The following ZNF385D variants were observed in gnomAD, a reference collection of about 807,000 sequenced individuals.
ZNF385D encodes zinc finger protein 385D, also known as zinc finger protein 659.
ZNF385D carries 15 observed loss-of-function variants against 35.8 expected under a neutral mutation model. That is an observed-to-expected ratio of 0.42 (90% CI 0.28 to 0.64). ZNF385D has a LOEUF of 0.64. ZNF385D is among the 30% of genes least tolerant of loss of function. ZNF385D has a pLI of 0.23. For synonymous variants in ZNF385D, 212 were observed against 186.8 expected (o/e 1.13, Z -1.10); for missense variants, 474 against 494.6 (o/e 0.96, Z 0.39).
chr3:22,223,406 ATCTT>A (rs746185898), intron 2 of ZNF385D, among the ~76,000 whole-genome samples: 24 of 152,260 alleles, frequency 1.6e-4, no homozygotes, highest in African/African-American at 2.4e-4. Flanking sequence ...AATGAAATAA[ATCTT>A]TATTTCTGCA....
At chr3:21,938,391 A>G (rs188744863) in intron 3 of ZNF385D, among the ~76,000 whole-genome samples, 8 of 152,296 alleles carry the variant, frequency 5.3e-5, no homozygotes, top group African/African-American at 1.7e-4. Context: ...ATTGGGCTGC[A>G]AGTGCTGAGG....
At chr3:21,925,329 A>G (rs1055741184) in intron 3 of ZNF385D, among the ~76,000 whole-genome samples, 8 of 152,188 alleles carry the variant, frequency 5.3e-5, no homozygotes, top group Non-Finnish European at 8.8e-5. Flanking sequence ...ATCCACAGAC[A>G]GACCCACACA....
At chr3:21,614,948 T>C (rs2064802400) in intron 2 of ZNF385D, among the ~76,000 whole-genome samples, 1 of 152,188 alleles carries the variant, frequency 6.6e-6, no homozygotes. Flanking sequence ...GACACATGGC[T>C]GTACTCACAG....
At chr3:22,208,744 T>G (rs1697323545) in intron 2 of ZNF385D, among the ~76,000 whole-genome samples, 1 of 151,702 alleles carries the variant, frequency 6.6e-6, no homozygotes, top group African/African-American at 2.4e-5. Flanking sequence ...AAATAATTAT[T>G]CAGTATGCAC....
chr3:22,255,325 CCTTT>C (rs1700261663), intron 2 of ZNF385D, among the ~76,000 whole-genome samples: 1 of 151,366 alleles, frequency 6.6e-6, no homozygotes, highest in Admixed American at 6.6e-5. Context: ...TTTTTTCCTC[CCTTT>C]ATTTAATGTG....
At chr3:21,700,887 T>C (rs2067657435) in intron 1 of ZNF385D, among the ~76,000 whole-genome samples, 1 of 152,216 alleles carries the variant, frequency 6.6e-6, no homozygotes, top group Non-Finnish European at 1.5e-5. Flanking sequence ...GAAAATGATT[T>C]CATTCAGATA....
chr3:21,860,516 T>C (rs1696990085), intron 3 of ZNF385D, among the ~76,000 whole-genome samples: 1 of 152,136 alleles, frequency 6.6e-6, no homozygotes, highest in Admixed American at 6.6e-5. Flanking sequence ...ATCAGTGAGA[T>C]AAGTACAGAT....
intron 1 of ZNF385D, among the ~76,000 whole-genome samples, chr3:21,689,859 A>G (rs1022513030): frequency 6.8e-6 from 1 of 146,314 alleles, no homozygotes; most frequent in African/African-American, 2.6e-5. Flanking sequence ...TAAATTGAGA[A>G]CGTCTTCCAA....
At chr3:21,716,782 G>A (rs2068336060) in intron 1 of ZNF385D, among the ~76,000 whole-genome samples, 1 of 151,974 alleles carries the variant, frequency 6.6e-6, no homozygotes, top group Admixed American at 6.6e-5. Context: ...AATTTTTGTT[G>A]TTGTTGTTTT....
At chr3:22,275,138 A>G (rs570527555) in intron 2 of ZNF385D, among the ~76,000 whole-genome samples, 2 of 152,272 alleles carry the variant, frequency 1.3e-5, no homozygotes, top group East Asian at 1.9e-4. Flanking sequence ...TATGTTAGGA[A>G]GAGCCTACTT....
chr3:22,240,763 C>A (rs1699451159), intron 2 of ZNF385D, among the ~76,000 whole-genome samples: 1 of 150,976 alleles, frequency 6.6e-6, no homozygotes, highest in South Asian at 2.2e-4. Flanking sequence ...TTGTATATGT[C>A]TCCAGACTAT....
chr3:22,204,646 A>C (rs929578692), intron 2 of ZNF385D, among the ~76,000 whole-genome samples: 2 of 152,074 alleles, frequency 1.3e-5, no homozygotes, highest in East Asian at 3.9e-4. Flanking sequence ...ATTCTACCAG[A>C]TATATTTAAC....
At chr3:21,466,602 A>G (rs948580328) in intron 4 of ZNF385D, among the ~76,000 whole-genome samples, 1 of 152,172 alleles carries the variant, frequency 6.6e-6, no homozygotes, top group Non-Finnish European at 1.5e-5. Context: ...TACTGGTTGC[A>G]TTCCTCACTA....
chr3:22,247,984 G>A (rs1699876439), intron 2 of ZNF385D, among the ~76,000 whole-genome samples: 1 of 151,994 alleles, frequency 6.6e-6, no homozygotes, highest in Non-Finnish European at 1.5e-5. Flanking sequence ...ATTTTGCTGT[G>A]AACTTTATAT....
chr3:22,359,149 G>C (rs1338000301), intron 2 of ZNF385D, among the ~76,000 whole-genome samples: 1 of 150,742 alleles, frequency 6.6e-6, no homozygotes, highest in Non-Finnish European at 1.5e-5. Flanking sequence ...TTAATTACTG[G>C]GAACAAAATG....
chr3:21,419,157 C>A lies in ZNF385D; in HGVS notation c.*2057G>T, dbSNP rs1428926945. The A allele has an allele frequency of 1.3e-5, 2 of 153,594 alleles. No individual in the cohort carries two copies. The highest frequency in any genetic ancestry group is 1.5e-5 in the Non-Finnish European group (1 of 68,560). 9.5% of individuals were successfully genotyped at this position (153,594 alleles called of 1,614,324 possible). ...TTTCTTCCTTCCTTCCTTTTCTTCC[C>A]TTCCCCATCTCCTTTCCTTCCTTCC... On this transcript the variant is annotated 3_prime_UTR_variant, in exon 8 of 8. Coordinates refer to ENST00000281523, the MANE Select transcript of ZNF385D (RefSeq NM_024697.3).
chr3:21,783,818 ATTAT>A (rs902424375), intron 3 of ZNF385D, among the ~76,000 whole-genome samples: 1 of 152,190 alleles, frequency 6.6e-6, no homozygotes, highest in Non-Finnish European at 1.5e-5. Flanking sequence ...ATGTGGGGAC[ATTAT>A]TTGAAAAAGG....
intron 2 of ZNF385D, among the ~76,000 whole-genome samples, chr3:22,362,361 A>T (rs1696451457): frequency 6.6e-6 from 1 of 152,076 alleles, no homozygotes; most frequent in African/African-American, 2.4e-5. Flanking sequence ...AAATTATGCC[A>T]CTAATAAAAA....
chr3:22,016,835 C>A (rs1426398464), intron 3 of ZNF385D, among the ~76,000 whole-genome samples: 8 of 152,012 alleles, frequency 5.3e-5, no homozygotes, highest in Non-Finnish European at 1.0e-4. Flanking sequence ...AGCTCCTAGC[C>A]TGCCTCTATA....
Sources: gnomAD v4.1 joint callset for allele counts (sites outside exome capture counted in the v4.1 genomes callset) on GRCh38, gnomAD v4.1.1 for gene constraint, MANE v1.5 for transcripts, NCBI Gene and HGNC (gene_info 2026-07-23, HGNC 2026-07-21) for gene names.